Variants in UBR1 observed in about 807,000 individuals in gnomAD.
The protein encoded by UBR1 is E3 ubiquitin-protein ligase UBR1.
In UBR1, 102 loss-of-function variants were observed where a neutral mutation model predicts 242.1. The ratio of observed to expected loss-of-function variants is 0.42; its 90% CI spans 0.36 to 0.50. The LOEUF (loss-of-function observed/expected upper bound fraction) is 0.50, where lower values mean the gene tolerates loss of function less well. Ranked by LOEUF, UBR1 falls within the 20% of genes least tolerant of loss-of-function variation. UBR1 has a pLI of 0.01. For synonymous variants in UBR1, 675 were observed against 684.8 expected, an observed-to-expected ratio of 0.99 and a Z score of 0.22; for missense variants, 1,772 against 2,101.8, an observed-to-expected ratio of 0.84 and a Z score of 3.07.
At chr15:42,998,047 T>C in intron 33 of UBR1, 121 bp downstream of exon 33, 1 of 895,054 alleles carries the variant, frequency 1.1e-6, no homozygotes, top group African/African-American at 1.7e-5. Flanking sequence ...CAAAAACTTC[T>C]ATTTCCTGAT....
intron 23 of UBR1, 91 bp downstream of exon 23, chr15:43,026,470 G>A (rs936814267): frequency 2.2e-5 from 23 of 1,034,592 alleles, no homozygotes; most frequent in African/African-American, 6.3e-5. Flanking sequence ...AAGAACCAGC[G>A]TGAAACTATA....
intron 12 of UBR1, among the ~76,000 whole-genome samples, chr15:43,050,217 T>C (rs1009438109): frequency 2.6e-5 from 4 of 152,010 alleles, no homozygotes; most frequent in South Asian, 2.1e-4. Flanking sequence ...CCAAAGCACA[T>C]GAGCCAACGC....
intron 3 of UBR1, among the ~76,000 whole-genome samples, chr15:43,078,774 G>C (rs950304030): frequency 1.3e-5 from 2 of 152,184 alleles, no homozygotes; most frequent in East Asian, 3.9e-4. Context: ...TTTGAGATCA[G>C]CCTGAGCAAT....
chr15:42,986,663 T>G (rs778957298), intron 35 of UBR1, among the ~76,000 whole-genome samples: 11 of 152,224 alleles, frequency 7.2e-5, no homozygotes, highest in Non-Finnish European at 1.6e-4. Flanking sequence ...AAATATAAAC[T>G]GATGTATTAT....
At chr15:43,058,138 G>T (rs1305121513) in intron 10 of UBR1, among the ~76,000 whole-genome samples, 1 of 152,070 alleles carries the variant, frequency 6.6e-6, no homozygotes, top group African/African-American at 2.4e-5. Flanking sequence ...TCGAGCTCCT[G>T]ACTTCAAATG....
Position 42,998,231 on chromosome 15 carries a change from G to A in UBR1, c.3694C>T (p.Leu1232=), listed in dbSNP as rs1335382368. The A allele has an allele frequency of 6.2e-7, 1 of 1,613,944 alleles. No individual in the cohort carries two copies. The highest frequency in any genetic ancestry group is 8.5e-7 in the Non-Finnish European group (1 of 1,179,968). Reference sequence around the variant, plus strand: ...AGAACAGTCTGTATCCACCGTGCCAGGGTCAAAAGTTGAGCAAGAGCATCT... The same window carrying A: ...AGAACAGTCTGTATCCACCGTGCCAAGGTCAAAAGTTGAGCAAGAGCATCT... ...NADALAQLLT[L]ARWIQTVLAR... Residue 1232 remains leucine (L), a synonymous_variant, in exon 33 of 47, where the codon CTG becomes TTG. Coordinates refer to ENST00000290650, the MANE Select transcript of UBR1 (RefSeq NM_174916.3).
chr15:42,970,172 G>T (rs558783719), intron 40 of UBR1, among the ~76,000 whole-genome samples: 50 of 152,210 alleles, frequency 3.3e-4, no homozygotes, highest in Middle Eastern at 3.4e-3. Context: ...CAGAACAGAG[G>T]CCTCAGAAAT....
At chr15:43,011,467 A>C (rs967814384) in intron 29 of UBR1, among the ~76,000 whole-genome samples, 1 of 152,248 alleles carries the variant, frequency 6.6e-6, no homozygotes, top group Non-Finnish European at 1.5e-5. Context: ...AGATGGGCAA[A>C]GAATAATAAT....
intron 2 of UBR1, among the ~76,000 whole-genome samples, chr15:43,084,581 G>C (rs145059220): frequency 0.018 from 2,713 of 152,138 alleles, 77 homozygotes; most frequent in African/African-American, 0.061. Context: ...TCAGCCTCCC[G>C]AGTAGCTCGG....
chr15:43,072,877 T>C (rs1443167725), intron 4 of UBR1, among the ~76,000 whole-genome samples: 1 of 152,172 alleles, frequency 6.6e-6, no homozygotes, highest in African/African-American at 2.4e-5. Context: ...AAGCTTATTA[T>C]GCTGGCTGGG....
chr15:42,973,433 C>T (rs554966281), intron 39 of UBR1, among the ~76,000 whole-genome samples: 1 of 152,226 alleles, frequency 6.6e-6, no homozygotes, highest in East Asian at 1.9e-4. Flanking sequence ...GTAGCTGGGA[C>T]TACGGGTGTG....
chr15:43,046,098 T>C (rs1249280695), intron 14 of UBR1, among the ~76,000 whole-genome samples: 1 of 152,236 alleles, frequency 6.6e-6, no homozygotes, highest in African/African-American at 2.4e-5. Flanking sequence ...GTGAAGATAC[T>C]AAATGTAGAT....
At chr15:43,019,522 A>C (rs2033075826) in intron 27 of UBR1, among the ~76,000 whole-genome samples, 1 of 152,112 alleles carries the variant, frequency 6.6e-6, no homozygotes, top group Admixed American at 6.5e-5. Flanking sequence ...CTTACCTAAA[A>C]ACATCAGAAT....
intron 41 of UBR1, among the ~76,000 whole-genome samples, chr15:42,964,512 G>A (rs2032074695): frequency 6.6e-6 from 1 of 152,018 alleles, no homozygotes; most frequent in Non-Finnish European, 1.5e-5. Flanking sequence ...ACCCATGGGT[G>A]GCAAATAAGT....
intron 36 of UBR1, 74 bp downstream of exon 36, chr15:42,984,807 TTTTTTG>T: frequency 7.8e-7 from 1 of 1,279,546 alleles, no homozygotes; most frequent in Non-Finnish European, 1.1e-6. Flanking sequence ...TGAGTAAAGA[TTTTTTG>T]TTTTTAATAA....
intron 6 of UBR1, among the ~76,000 whole-genome samples, chr15:43,063,305 A>T (rs576596314): frequency 6.3e-4 from 96 of 152,344 alleles, no homozygotes; most frequent in African/African-American, 2.2e-3. Context: ...TTTCCGTTCC[A>T]TATGAAAACC....
Position 43,017,101 on chromosome 15 carries a change from A to G in UBR1, c.3021T>C (p.Asn1007=), listed in dbSNP as rs148993210. 29 of 1,612,312 alleles carry G rather than the reference A, an allele frequency of 1.8e-5. No individual in the cohort carries two copies. In the African/African-American group the frequency reaches 2.1e-4, roughly 12 times the overall value. Residue 1007 remains asparagine (N), a synonymous_variant, in exon 28 of 47, where the codon AAT becomes AAC. Coordinates refer to ENST00000290650, the MANE Select transcript of UBR1 (RefSeq NM_174916.3). ...TGTTATTACAGTGTCATACCTCATC[A>G]TTCTTAATAGATTCCGATCCTGATG... ...ATTSGSESIK[N]DEITHDKEKA... is the part of the protein sequence containing the mutation.
intron 35 of UBR1, among the ~76,000 whole-genome samples, chr15:42,986,562 A>G (rs1180720086): frequency 6.6e-6 from 1 of 152,232 alleles, no homozygotes; most frequent in Non-Finnish European, 1.5e-5. Flanking sequence ...TCATGACTCC[A>G]CAAGAATGCT....
chr15:43,085,995 G>C lies in UBR1; in HGVS notation c.327C>G (p.Thr109=), dbSNP rs1262499694. The C allele has an allele frequency of 3.1e-6, 5 of 1,613,274 alleles. No homozygotes were observed. Among genetic ancestry groups the C allele is most frequent in the Non-Finnish European group, 4.2e-6 (5 of 1,179,908 alleles). ...TTTCTAATTCTTACCTGCAAGAATAGGTTGTCTCTCCACTTTTGAAAACCC... is the reference window on the plus strand; with the variant it reads ...TTTCTAATTCTTACCTGCAAGAATACGTTGTCTCTCCACTTTTGAAAACCC... ...CGRVFKSGET[T]YSCRDCAIDP... The change falls in exon 2 of 47, where the codon ACC becomes ACG. Residue 109 remains threonine, a synonymous_variant. Transcript: ENST00000290650.
Sources: gnomAD v4.1 joint callset for allele counts (sites outside exome capture counted in the v4.1 genomes callset) on GRCh38, gnomAD v4.1.1 for gene constraint, MANE v1.5 for transcripts, NCBI Gene and HGNC (gene_info 2026-07-23, HGNC 2026-07-21) for gene names.